The following RP1 variants were observed in gnomAD, a reference collection of about 807,000 sequenced individuals.
RP1 encodes RP1 axonemal microtubule associated, also known as oxygen-regulated protein 1.
Under a neutral mutation model 14.8 loss-of-function variants are expected in RP1, and 16 were observed. The observed-to-expected ratio is 1.08, with a 90% confidence interval of 0.73 to 1.65. The LOEUF is 1.65. Among genes scored for constraint, RP1 ranks in the 40% most tolerant of loss-of-function variants. The probability of loss-of-function intolerance (pLI) is 0.00; values close to 1 mark genes in which losing one functional copy is unlikely to be tolerated. For missense variants in RP1, 2,631 were observed against 2,535.0 expected (o/e 1.04, Z -0.81); for synonymous variants, 876 against 883.6 (o/e 0.99, Z 0.15).
intron 11 of RP1, chr8:54,679,661 A>G: frequency 6.5e-7 from 1 of 1,533,678 alleles, no homozygotes; most frequent in Non-Finnish European, 8.7e-7. Flanking sequence ...ATTATCTCAT[A>G]TAAACAATGT....
chr8:54,631,071 C>T (rs1455273847), downstream of RP1, among the ~76,000 whole-genome samples: 4 of 152,136 alleles, frequency 2.6e-5, no homozygotes, highest in African/African-American at 9.7e-5. Flanking sequence ...TGCCTCTTGT[C>T]TACAACTAAC....
At chr8:54,712,032 C>A (rs1285936129) in intron 15 of RP1, among the ~76,000 whole-genome samples, 1 of 152,116 alleles carries the variant, frequency 6.6e-6, no homozygotes, top group Non-Finnish European at 1.5e-5. Context: ...CCAGGTTTTT[C>A]TTGGAGTCAC....
In RP1 at chr8:54,624,678, CAT is replaced by C. The variant is rs1805978316; in HGVS notation, c.799_800del (p.Met267ValfsTer14). On this transcript the variant is annotated frameshift_variant, in exon 4 of 4. Transcript: ENST00000220676. LOFTEE classifies it low-confidence loss of function (END_TRUNC). Reference sequence around the variant, plus strand: ...TCTTAAAATCTTTAAAGTAAGCACACATATGTCTTCAAGCTCAAGGTCCCAGA... The same window carrying C: ...TCTTAAAATCTTTAAAGTAAGCACACATGTCTTCAAGCTCAAGGTCCCAGA... ...AKSESRKIST[H>X]MSSSSRSQIY... The C allele has an allele frequency of 4.3e-6, 7 of 1,613,788 alleles. No homozygotes were observed. The highest frequency in any genetic ancestry group is 5.9e-6 in the Non-Finnish European group (7 of 1,179,896).
chr8:54,681,922 T>A (rs181679433), intron 12 of RP1, among the ~76,000 whole-genome samples: 3 of 152,294 alleles, frequency 2.0e-5, no homozygotes, highest in African/African-American at 7.2e-5. Context: ...AGGTACCACA[T>A]TTTCTTTATC....
intron 16 of RP1, among the ~76,000 whole-genome samples, chr8:54,722,550 A>C (rs571096670): frequency 6.6e-6 from 1 of 152,198 alleles, no homozygotes; most frequent in Non-Finnish European, 1.5e-5. Flanking sequence ...TTTCTAACTA[A>C]ACTATCTACA....
downstream of RP1, chr8:54,630,925 T>A: frequency 3.0e-6 from 2 of 660,014 alleles, no homozygotes; most frequent in Non-Finnish European, 3.8e-6. Flanking sequence ...TCTAATAGAC[T>A]AGACTATCAA....
Position 54,807,069 on chromosome 8 carries a change from A to G in RP1, c.3615+23359A>G, listed in dbSNP as rs564674224. ...AATTAATATCTATTGACCACCTGCA[A>G]AGGGCAAGGTTTGTTTGAGGTATTC... On this transcript the variant is annotated intron_variant, in intron 24 of 28. Transcript: ENST00000637698. Among the ~76,000 whole-genome samples, 4 of 152,340 alleles carry G rather than the reference A, an allele frequency of 2.6e-5. No individual in the cohort carries two copies. The South Asian group carries it at 8.3e-4, about 32-fold the overall frequency.
intron 3 of RP1, among the ~76,000 whole-genome samples, chr8:54,642,476 G>T (rs1806471001): frequency 6.6e-6 from 1 of 152,044 alleles, no homozygotes; most frequent in Admixed American, 6.6e-5. Flanking sequence ...AATGTGCATA[G>T]CAGCATGTGT....
At chr8:54,568,474 T>C (rs182229137) in intron 1 of RP1, among the ~76,000 whole-genome samples, 22 of 152,368 alleles carry the variant, frequency 1.4e-4, no homozygotes, top group Middle Eastern at 3.4e-3. Context: ...TTTGGAGATA[T>C]GTTGTTGAAG....
exon 29 of RP1, chr8:54,870,167 T>G (rs574773455): frequency 2.8e-6 from 1 of 357,042 alleles, no homozygotes; most frequent in East Asian, 4.1e-5. Flanking sequence ...GTACCCATAC[T>G]GCTGCTGCTC....
At chr8:54,749,419 G>C (rs571555602) in intron 19 of RP1, among the ~76,000 whole-genome samples, 2 of 152,138 alleles carry the variant, frequency 1.3e-5, no homozygotes, top group Non-Finnish European at 2.9e-5. Context: ...ATCAGGATGT[G>C]GAGTGAGGCT....
intron 22 of RP1, among the ~76,000 whole-genome samples, chr8:54,766,590 C>T (rs930460675): frequency 4.6e-5 from 7 of 152,100 alleles, no homozygotes; most frequent in African/African-American, 1.7e-4. Flanking sequence ...TTTCTTCTGC[C>T]ATTTTCAATG....
chr8:54,758,856 C>G, intron 21 of RP1: 1 of 1,464,048 alleles, frequency 6.8e-7, no homozygotes, highest in Non-Finnish European at 9.2e-7. Flanking sequence ...ATTATTATTG[C>G]CTGCATTTGT....
exon 22 of RP1, chr8:54,759,028 T>C (rs915650190): frequency 6.5e-6 from 10 of 1,535,554 alleles, no homozygotes; most frequent in Non-Finnish European, 7.8e-6. Flanking sequence ...GAACAAGTCA[T>C]AGTCAGAGAG....
chr8:54,726,971 A>C (rs909264897), intron 17 of RP1, among the ~76,000 whole-genome samples: 1 of 152,074 alleles, frequency 6.6e-6, no homozygotes, highest in African/African-American at 2.4e-5. Context: ...TCTGACGGGA[A>C]AGTATAATAT....
chr8:54,654,985 T>A (rs777102556), intron 5 of RP1, among the ~76,000 whole-genome samples: 7 of 152,154 alleles, frequency 4.6e-5, no homozygotes, highest in Non-Finnish European at 7.4e-5. Context: ...TTAAAATCAT[T>A]GAAGTTGAAA....
intron 1 of RP1, among the ~76,000 whole-genome samples, chr8:54,578,445 T>A (rs1222665781): frequency 6.6e-6 from 1 of 152,104 alleles, no homozygotes. Context: ...TGGCCTCAAG[T>A]GATCCTCCCT....
At chr8:54,839,554 T>G (rs1811743592) in intron 25 of RP1, among the ~76,000 whole-genome samples, 1 of 152,210 alleles carries the variant, frequency 6.6e-6, no homozygotes. Flanking sequence ...TTCCTTCTTT[T>G]CAGTAGCCCC....
intron 15 of RP1, among the ~76,000 whole-genome samples, chr8:54,719,944 G>A (rs1257516210): frequency 1.3e-5 from 2 of 152,184 alleles, no homozygotes; most frequent in East Asian, 3.8e-4. Context: ...AACCCATCAT[G>A]TGGTCTCTGT....
Sources: gnomAD v4.1 joint callset for allele counts (sites outside exome capture counted in the v4.1 genomes callset) on GRCh38, gnomAD v4.1.1 for gene constraint, MANE v1.5 for transcripts, NCBI Gene and HGNC (gene_info 2026-07-23, HGNC 2026-07-21) for gene names.